NIM1K: variants seen among roughly 807,000 people sequenced by gnomAD.
NIM1K encodes the protein NIM1 serine/threonine protein kinase.
Under a neutral mutation model 37.1 loss-of-function variants are expected in NIM1K, and 35 were observed. The ratio of observed to expected loss-of-function variants is 0.94; its 90% CI spans 0.72 to 1.25. NIM1K has a LOEUF of 1.25. Among genes scored for constraint, NIM1K ranks in the 50% most tolerant of loss-of-function variants. The pLI is 0.00. For synonymous variants in NIM1K, 234 were observed against 206.6 expected (o/e 1.13, Z -1.14); for missense variants, 564 against 548.0 (o/e 1.03, Z -0.29).
chr5:43,270,995 A>C (rs1252389817), intron 2 of NIM1K, among the ~76,000 whole-genome samples: 1 of 152,008 alleles, frequency 6.6e-6, no homozygotes, highest in African/African-American at 2.4e-5. Context: ...ATTTGTCTTC[A>C]TGTTTATATC....
intron 1 of NIM1K, among the ~76,000 whole-genome samples, chr5:43,209,607 T>A (rs963361367): frequency 6.6e-6 from 1 of 152,172 alleles, no homozygotes; most frequent in African/African-American, 2.4e-5. Context: ...TTATTTATTT[T>A]AATTTTATTT....
intron 2 of NIM1K, among the ~76,000 whole-genome samples, chr5:43,256,996 A>G (rs1180594697): frequency 6.6e-6 from 1 of 152,132 alleles, no homozygotes; most frequent in Non-Finnish European, 1.5e-5. Context: ...CACCCAAGTG[A>G]GCAGGGTATT....
chr5:43,196,953 T>TTG (rs1162148304), intron 1 of NIM1K, among the ~76,000 whole-genome samples: 5 of 147,258 alleles, frequency 3.4e-5, no homozygotes, highest in Non-Finnish European at 7.5e-5. Context: ...TTTTTTTTTT[T>TTG]TTTTTTTTTT....
chr5:43,204,373 C>G (rs1752078286), intron 1 of NIM1K, among the ~76,000 whole-genome samples: 1 of 149,666 alleles, frequency 6.7e-6, no homozygotes, highest in Non-Finnish European at 1.5e-5. Flanking sequence ...CGTGAGCCAC[C>G]ACACCCAGCC....
At chr5:43,199,189 C>CAAAAA (rs1368419224) in intron 1 of NIM1K, among the ~76,000 whole-genome samples, 4 of 9,822 alleles carry the variant, frequency 4.1e-4, no homozygotes, top group Admixed American at 1.8e-3. Context: ...GCTCTGTCTC[C>CAAAAA]AAAAAAAAAA....
chr5:43,210,228 A>G (rs1056916556), intron 1 of NIM1K, among the ~76,000 whole-genome samples: 55 of 151,916 alleles, frequency 3.6e-4, no homozygotes, highest in African/African-American at 1.2e-3. Flanking sequence ...TTTAAGCTGA[A>G]TTTGAATAAT....
At chr5:43,194,089 A>T (rs1751875752) in intron 1 of NIM1K, among the ~76,000 whole-genome samples, 1 of 152,200 alleles carries the variant, frequency 6.6e-6, no homozygotes, top group African/African-American at 2.4e-5. Flanking sequence ...GGCCCCAAAT[A>T]GTCATGCTGC....
chr5:43,204,431 G>A (rs1433876153), intron 1 of NIM1K, among the ~76,000 whole-genome samples: 1 of 151,736 alleles, frequency 6.6e-6, no homozygotes, highest in Non-Finnish European at 1.5e-5. Context: ...TCCAGGAGTG[G>A]TGGCTCACGC....
At chr5:43,261,160 G>A (rs1011285680) in intron 2 of NIM1K, among the ~76,000 whole-genome samples, 13 of 152,140 alleles carry the variant, frequency 8.5e-5, no homozygotes, top group African/African-American at 3.1e-4. Context: ...GGTATTTCTA[G>A]TTCTAGATCC....
In NIM1K at chr5:43,280,741, C is replaced by A; in HGVS notation, c.*12C>A. 6.4e-7 allele frequency: 1 copy of A among 1,554,284 alleles called. No homozygotes were observed. Among genetic ancestry groups the A allele is most frequent in the Non-Finnish European group, 8.7e-7 (1 of 1,152,812 alleles). On this transcript the variant is annotated 3_prime_UTR_variant, in exon 4 of 4. Coordinates refer to ENST00000326035, the MANE Select transcript of NIM1K (RefSeq NM_153361.4). ...GCTCGATTTTATAAATTGCACTAGACTGCTTGTAACTAACCAAGATGATTG... is the reference window on the plus strand; with the variant it reads ...GCTCGATTTTATAAATTGCACTAGAATGCTTGTAACTAACCAAGATGATTG...
intron 1 of NIM1K, among the ~76,000 whole-genome samples, chr5:43,236,238 G>C (rs1474627104): frequency 6.6e-6 from 1 of 152,004 alleles, no homozygotes; most frequent in African/African-American, 2.4e-5. Context: ...CTGCACTCCA[G>C]CTTGGGTGAG....
intron 1 of NIM1K, among the ~76,000 whole-genome samples, chr5:43,221,089 G>A (rs1752374231): frequency 6.6e-6 from 1 of 152,188 alleles, no homozygotes; most frequent in African/African-American, 2.4e-5. Context: ...TCCCAATAAG[G>A]TGTGGAGATA....
intron 1 of NIM1K, among the ~76,000 whole-genome samples, chr5:43,237,199 A>T (rs778272118): frequency 6.6e-5 from 10 of 152,216 alleles, no homozygotes; most frequent in Non-Finnish European, 1.5e-4. Flanking sequence ...CCTCGCCCAG[A>T]AGTTTTGTAA....
chr5:43,276,183 G>A (rs113664624), intron 2 of NIM1K, among the ~76,000 whole-genome samples: 5,194 of 152,202 alleles, frequency 0.034, 324 homozygotes, highest in African/African-American at 0.12. Flanking sequence ...GTGAGCTGCC[G>A]CGCCCAGCCA....
intron 2 of NIM1K, among the ~76,000 whole-genome samples, chr5:43,254,994 A>G (rs761141568): frequency 3.9e-4 from 60 of 152,252 alleles, no homozygotes; most frequent in Non-Finnish European, 7.2e-4. Flanking sequence ...CTAAAAATAA[A>G]TCATATATTG....
intron 1 of NIM1K, among the ~76,000 whole-genome samples, chr5:43,203,789 G>A (rs1448664330): frequency 3.3e-5 from 5 of 152,152 alleles, no homozygotes; most frequent in Non-Finnish European, 7.4e-5. Context: ...ACTTTGGGAG[G>A]CCGAGGCAGG....
Position 43,234,241 on chromosome 5 carries a change from C to CA in NIM1K, c.-694-10841_-694-10840insA, listed in dbSNP as rs1579970828. On this transcript the variant is annotated intron_variant, in intron 1 of 3. Coordinates refer to ENST00000326035, the MANE Select transcript of NIM1K (RefSeq NM_153361.4). ...TACAGAGTTGTCATGTCGTGTCATT[C>CA]TTTCATTCATTCATTCATTCATTCA... is the stretch of plus-strand genomic sequence containing the variant. Among the ~76,000 whole-genome samples the CA allele has an allele frequency of 1.2e-4, 10 of 86,514 alleles. No individual in the cohort carries two copies. In the East Asian group the frequency reaches 1.4e-3, roughly 12 times the overall value. The allele number at this position is 86,514 out of a possible 152,430, so 56.8% of individuals were successfully genotyped here. A position where few individuals can be genotyped will look rare whatever the true frequency, so the allele number is the denominator to read the frequency against.
intron 1 of NIM1K, among the ~76,000 whole-genome samples, chr5:43,226,687 G>A (rs1291054362): frequency 6.6e-6 from 1 of 152,210 alleles, no homozygotes; most frequent in Non-Finnish European, 1.5e-5. Context: ...CAAGTATAAT[G>A]CACTCAGCAT....
chr5:43,232,793 C>T (rs1752561496), intron 1 of NIM1K: 2 of 1,078,750 alleles, frequency 1.9e-6, no homozygotes, highest in Non-Finnish European at 2.8e-6. Flanking sequence ...ATGCACTGTT[C>T]AGCCAGTTTA....
Sources: gnomAD v4.1 joint callset for allele counts (sites outside exome capture counted in the v4.1 genomes callset) on GRCh38, gnomAD v4.1.1 for gene constraint, MANE v1.5 for transcripts, NCBI Gene and HGNC (gene_info 2026-07-23, HGNC 2026-07-21) for gene names.